The following PTGER4 variants were observed in gnomAD, a reference collection of about 807,000 sequenced individuals.
The protein encoded by PTGER4 is prostaglandin E receptor 4.
In PTGER4, 11 loss-of-function variants were observed where a neutral mutation model predicts 33.2. The ratio of observed to expected loss-of-function variants is 0.33; its 90% CI spans 0.21 to 0.55. The LOEUF (loss-of-function observed/expected upper bound fraction) is 0.55, where lower values mean the gene tolerates loss of function less well. PTGER4 is among the 20% of genes least tolerant of loss of function. PTGER4 has a pLI of 0.92. For synonymous variants in PTGER4, 275 were observed against 281.5 expected, an observed-to-expected ratio of 0.98 and a Z score of 0.23; for missense variants, 481 against 650.2, an observed-to-expected ratio of 0.74 and a Z score of 2.83.
At chr5:40,709,536 A>T in the PTGER4 span, among the ~76,000 whole-genome samples, 1 of 152,212 alleles carries the variant, frequency 6.6e-6, no homozygotes, top group African/African-American at 2.4e-5. Context: ...ATAAAAGAGG[A>T]TACAAATAAA....
chr5:40,736,079 GAAC>G, the PTGER4 span, among the ~76,000 whole-genome samples: 7 of 152,208 alleles, frequency 4.6e-5, no homozygotes, highest in Admixed American at 4.6e-4. Flanking sequence ...GACAATTTCA[GAAC>G]AACGTTCCTG....
the PTGER4 span, among the ~76,000 whole-genome samples, chr5:40,736,374 A>G: frequency 2.0e-5 from 3 of 152,222 alleles, no homozygotes; most frequent in Non-Finnish European, 4.4e-5. Context: ...TTCCTAGACA[A>G]GAACAAAATG....
chr5:40,700,742 G>A, the PTGER4 span, among the ~76,000 whole-genome samples: 2 of 147,044 alleles, frequency 1.4e-5, no homozygotes, highest in Admixed American at 7.1e-5. Context: ...GTGCCAAGTT[G>A]TGAATTACAG....
the PTGER4 span, among the ~76,000 whole-genome samples, chr5:40,702,331 G>C: frequency 1.3e-5 from 2 of 152,106 alleles, no homozygotes; most frequent in African/African-American, 2.4e-5. Context: ...TGGAGAAAAA[G>C]CTACCAAGCA....
chr5:40,700,587 C>T, the PTGER4 span, among the ~76,000 whole-genome samples: 1 of 152,222 alleles, frequency 6.6e-6, no homozygotes, highest in East Asian at 1.9e-4. Context: ...TCCTGACCTG[C>T]ATTTCTCTGG....
chr5:40,746,738 C>A, the PTGER4 span: 4 of 1,253,704 alleles, frequency 3.2e-6, no homozygotes, highest in Non-Finnish European at 4.5e-6. Context: ...CATCCCATTA[C>A]GGACAGTGAG....
downstream of PTGER4, among the ~76,000 whole-genome samples, chr5:40,696,332 T>G (rs1248824880): frequency 6.6e-6 from 1 of 152,184 alleles, no homozygotes; most frequent in Non-Finnish European, 1.5e-5. Context: ...CAAACCATGT[T>G]TGGTTTCTTC....
chr5:40,723,009 G>A, the PTGER4 span, among the ~76,000 whole-genome samples: 1 of 152,236 alleles, frequency 6.6e-6, no homozygotes, highest in Non-Finnish European at 1.5e-5. Flanking sequence ...GGGGAAATGT[G>A]GGGAAAAGGA....
At chr5:40,740,998 G>C in the PTGER4 span, among the ~76,000 whole-genome samples, 18 of 151,948 alleles carry the variant, frequency 1.2e-4, no homozygotes, top group South Asian at 3.7e-3. Context: ...TCTGAATATA[G>C]TTGTATTACC....
chr5:40,707,801 T>A, the PTGER4 span, among the ~76,000 whole-genome samples: 1 of 152,066 alleles, frequency 6.6e-6, no homozygotes, highest in South Asian at 2.1e-4. Flanking sequence ...CCTCAGCAAA[T>A]GTAAAAGAAT....
At chr5:40,688,476 G>C (rs1489205109) in intron 2 of PTGER4, among the ~76,000 whole-genome samples, 2 of 152,160 alleles carry the variant, frequency 1.3e-5, no homozygotes, top group Non-Finnish European at 2.9e-5. Context: ...ATAAAATATA[G>C]ACCTCATGCT....
the PTGER4 span, among the ~76,000 whole-genome samples, chr5:40,741,021 C>T: frequency 0.69 from 104,764 of 152,014 alleles, 36,139 homozygotes; most frequent in East Asian, 0.8. Flanking sequence ...TTTAATCTCT[C>T]TGTCCACTAC....
the PTGER4 span, among the ~76,000 whole-genome samples, chr5:40,709,623 G>C: frequency 8.5e-5 from 13 of 152,298 alleles, no homozygotes; most frequent in South Asian, 2.7e-3. Context: ...GTAATTTATA[G>C]ATCCAATGCC....
chr5:40,718,426 A>T, the PTGER4 span, among the ~76,000 whole-genome samples: 4 of 151,618 alleles, frequency 2.6e-5, no homozygotes, highest in Non-Finnish European at 5.9e-5. Flanking sequence ...AATAAATAAA[A>T]AATACACAGA....
At chr5:40,704,878 T>G in the PTGER4 span, among the ~76,000 whole-genome samples, 1 of 152,116 alleles carries the variant, frequency 6.6e-6, no homozygotes. Flanking sequence ...AGAATCAATA[T>G]CATTAAAATG....
At chr5:40,699,775 A>G in the PTGER4 span, among the ~76,000 whole-genome samples, 4 of 152,214 alleles carry the variant, frequency 2.6e-5, no homozygotes, top group Non-Finnish European at 5.9e-5. Context: ...ACAATTAACA[A>G]AATTCAACAC....
At chr5:40,716,788 AG>A in the PTGER4 span, among the ~76,000 whole-genome samples, 1 of 152,250 alleles carries the variant, frequency 6.6e-6, no homozygotes, top group South Asian at 2.1e-4. Flanking sequence ...CAGCTTCAGT[AG>A]ACCAGTAAGT....
the PTGER4 span, among the ~76,000 whole-genome samples, chr5:40,724,536 G>A: frequency 6.6e-6 from 1 of 151,972 alleles, no homozygotes; most frequent in Non-Finnish European, 1.5e-5. Context: ...GGGAGGCTGA[G>A]GAACGAGAAT....
the PTGER4 span, among the ~76,000 whole-genome samples, chr5:40,707,564 T>G: frequency 2.0e-5 from 3 of 152,072 alleles, no homozygotes; most frequent in Non-Finnish European, 4.4e-5. Context: ...AGACTTAGAC[T>G]CCCACACAAA....
Sources: allele counts gnomAD v4.1 joint callset (sites outside exome capture counted in the v4.1 genomes callset), GRCh38; gene constraint gnomAD v4.1.1; transcripts MANE v1.5; gene names NCBI Gene and HGNC (gene_info 2026-07-23, HGNC 2026-07-21).